MYRFL: variants seen among roughly 807,000 people sequenced by gnomAD.
MYRFL encodes myelin regulatory factor like, also known as myelin regulatory factor-like protein.
Under a neutral mutation model 109.4 loss-of-function variants are expected in MYRFL, and 88 were observed. The observed-to-expected ratio is 0.80, with a 90% CI of 0.68 to 0.96. The LOEUF is 0.96. MYRFL is among the 40% of genes least tolerant of loss of function. The probability of loss-of-function intolerance (pLI) is 0.00; values close to 1 mark genes in which losing one functional copy is unlikely to be tolerated. For synonymous variants in MYRFL, 324 were observed against 320.9 expected (o/e 1.01, Z -0.10); for missense variants, 957 against 954.9 (o/e 1.00, Z -0.03).
Position 69,910,833 on chromosome 12 carries a change from A to C in MYRFL, c.1505A>C (p.Gln502Pro). 6.5e-7 allele frequency: 1 copy of C among 1,534,758 alleles called. No homozygotes were observed. Among genetic ancestry groups the C allele is most frequent in the Non-Finnish European group, 8.7e-7 (1 of 1,145,854 alleles). The change falls in exon 13 of 25, where the codon CAG (glutamine) becomes CCG (proline). Residue 502 changes from glutamine (Q) to proline (P), a missense_variant. Physicochemically the swap from Gln to Pro is moderately conservative, Grantham distance 76. Transcript: ENST00000552032. ...NTAHQTGMIAQEVQEILPRAV... is the reference protein window; with the variant it reads ...NTAHQTGMIAPEVQEILPRAV... The stretch of plus-strand genomic sequence containing the variant: ...GTTTTGTATACAGGAATGATTGCCC[A>C]GGAGGTGCAAGAAATCCTGCCCAGA...
At position 69,958,647 on chromosome 12, in the gene MYRFL, T is replaced by TGAAG. The variant is rs1956150224; in HGVS notation, c.*119_*122dup. The stretch of plus-strand genomic sequence containing the variant: ...TTTGTAAAACATTTACGTTTATTGC[T>TGAAG]GAAGGACTTTTTCAGGCTTTAGCTT... On this transcript the variant is annotated 3_prime_UTR_variant, in exon 25 of 25. Coordinates refer to ENST00000552032, the MANE Select transcript of MYRFL (RefSeq NM_182530.3). The TGAAG allele has an allele frequency of 1.3e-6, 1 of 756,260 alleles. No homozygotes were observed. Among genetic ancestry groups the TGAAG allele is most frequent in the East Asian group, 2.8e-5 (1 of 36,302 alleles). The allele number at this position is 756,260 out of a possible 1,614,324, so 46.8% of individuals were successfully genotyped here. A position where few individuals can be genotyped will look rare whatever the true frequency, so the allele number is the denominator to read the frequency against.
intron 5 of MYRFL, among the ~76,000 whole-genome samples, chr12:69,881,090 A>C (rs1886075560): frequency 6.6e-6 from 1 of 150,772 alleles, no homozygotes; most frequent in Non-Finnish European, 1.5e-5. Flanking sequence ...GGCACATACT[A>C]GGGGAAAAGG....
At chr12:69,903,884 C>T (rs563319208) in intron 11 of MYRFL, 40 bp downstream of exon 11, 1 of 1,475,496 alleles carries the variant, frequency 6.8e-7, no homozygotes, top group East Asian at 2.5e-5. Context: ...CCTCTGACAC[C>T]CCAGTCAGGT....
At chr12:69,842,072 A>G (rs370208088) in intron 1 of MYRFL, among the ~76,000 whole-genome samples, 20 of 152,312 alleles carry the variant, frequency 1.3e-4, no homozygotes, top group African/African-American at 4.1e-4. Context: ...CTATAGAACC[A>G]GAATCCTTAA....
chr12:69,939,260 C>T (rs1157941170), intron 19 of MYRFL, among the ~76,000 whole-genome samples: 6 of 152,176 alleles, frequency 3.9e-5, no homozygotes, highest in Non-Finnish European at 8.8e-5. Flanking sequence ...AACAAAAAGA[C>T]AGCAGTAACC....
At chr12:69,886,242 G>A (rs996150712) in intron 5 of MYRFL, among the ~76,000 whole-genome samples, 1 of 152,164 alleles carries the variant, frequency 6.6e-6, no homozygotes, top group Non-Finnish European at 1.5e-5. Context: ...GAGGACTGGT[G>A]CCCTTCATTT....
chr12:69,943,098 C>A (rs985348094), intron 19 of MYRFL, among the ~76,000 whole-genome samples: 11 of 151,448 alleles, frequency 7.3e-5, no homozygotes, highest in Non-Finnish European at 1.5e-5. Context: ...ATGAAAATGG[C>A]CATACTGCCC....
chr12:69,828,967 C>T (rs1882454568), intron 1 of MYRFL, among the ~76,000 whole-genome samples: 1 of 152,066 alleles, frequency 6.6e-6, no homozygotes, highest in African/African-American at 2.4e-5. Context: ...AGTAGGTGCT[C>T]AAATGCTTTG....
chr12:69,869,115 C>G (rs559113140), intron 2 of MYRFL, among the ~76,000 whole-genome samples: 8 of 152,288 alleles, frequency 5.3e-5, no homozygotes, highest in African/African-American at 1.7e-4. Flanking sequence ...AAATAACAAC[C>G]ATTTTTATAG....
chr12:69,893,643 G>T, intron 7 of MYRFL, 121 bp from the exon 8 acceptor site: 1 of 382,178 alleles, frequency 2.6e-6, no homozygotes, highest in Non-Finnish European at 4.3e-6. Context: ...TCAGTGACTT[G>T]TTCCTCCTGC....
intron 5 of MYRFL, among the ~76,000 whole-genome samples, chr12:69,883,450 A>T (rs1338558416): frequency 6.6e-6 from 1 of 152,200 alleles, no homozygotes; most frequent in Non-Finnish European, 1.5e-5. Context: ...ATGGCCATCA[A>T]CGGCAAGATA....
At chr12:69,950,421 A>T (rs1009174406) in intron 19 of MYRFL, among the ~76,000 whole-genome samples, 1 of 152,018 alleles carries the variant, frequency 6.6e-6, no homozygotes, top group Non-Finnish European at 1.5e-5. Flanking sequence ...TCCTATCTCC[A>T]TGCTTTCTCC....
chr12:69,930,710 G>T (rs1310335018), intron 15 of MYRFL, among the ~76,000 whole-genome samples: 1 of 151,668 alleles, frequency 6.6e-6, no homozygotes, highest in African/African-American at 2.4e-5. Context: ...TACTAGGGAG[G>T]CTGAGGTGGG....
intron 16 of MYRFL, among the ~76,000 whole-genome samples, chr12:69,934,298 A>C (rs142266530): frequency 5.3e-4 from 81 of 152,302 alleles, no homozygotes; most frequent in African/African-American, 1.9e-3. Context: ...TACAGGAGCA[A>C]TCTCCATGCA....
intron 19 of MYRFL, among the ~76,000 whole-genome samples, chr12:69,938,995 A>G (rs1234288038): frequency 6.6e-6 from 1 of 152,218 alleles, no homozygotes; most frequent in Non-Finnish European, 1.5e-5. Flanking sequence ...GGGCTTAAAA[A>G]ATGGCGCACC....
At chr12:69,851,712 G>T (rs1883883589) in intron 1 of MYRFL, among the ~76,000 whole-genome samples, 2 of 152,152 alleles carry the variant, frequency 1.3e-5, no homozygotes, top group East Asian at 3.9e-4. Flanking sequence ...AGGCTGAAGT[G>T]CAGTGGTGCG....
intron 2 of MYRFL, among the ~76,000 whole-genome samples, chr12:69,859,514 A>G (rs1028742426): frequency 3.3e-5 from 5 of 152,222 alleles, no homozygotes; most frequent in Non-Finnish European, 5.9e-5. Context: ...ACATAATTGT[A>G]TTGAATTGAA....
chr12:69,953,764 G>GACACACACACACACACACACACACAC (rs143170206), intron 21 of MYRFL, among the ~76,000 whole-genome samples: 5 of 144,180 alleles, frequency 3.5e-5, no homozygotes, highest in African/African-American at 1.3e-4. Flanking sequence ...GTGCAACCCG[G>GACACACACACACACACACACACACAC]ACACACACAC....
chr12:69,885,546 C>T (rs774615985), intron 5 of MYRFL, among the ~76,000 whole-genome samples: 13 of 152,104 alleles, frequency 8.5e-5, no homozygotes, highest in Non-Finnish European at 1.6e-4. Flanking sequence ...TCACAAACAC[C>T]CACTATTTCC....
Sources: gnomAD v4.1 joint callset for allele counts (sites outside exome capture counted in the v4.1 genomes callset) on GRCh38, gnomAD v4.1.1 for gene constraint, MANE v1.5 for transcripts, NCBI Gene and HGNC (gene_info 2026-07-23, HGNC 2026-07-21) for gene names.